Variants in CHIC1 observed in about 807,000 individuals in gnomAD.
CHIC1 encodes cysteine rich hydrophobic domain 1, also known as cysteine-rich hydrophobic domain-containing protein 1.
In CHIC1, 7 loss-of-function variants were observed where a neutral mutation model predicts 18.5. The ratio of observed to expected loss-of-function variants is 0.38; its 90% CI spans 0.22 to 0.71. CHIC1 has a LOEUF of 0.71. Among genes scored for constraint, CHIC1 ranks in the 30% least tolerant of loss-of-function variants. CHIC1 has a pLI of 0.49. For synonymous variants in CHIC1, 77 were observed against 73.5 expected (o/e 1.05, Z -0.25); for missense variants, 159 against 176.9 (o/e 0.90, Z 0.57).
chrX:73,613,039 T>TA (rs1441296426), intron 3 of CHIC1, among the ~76,000 whole-genome samples: 1 of 112,139 alleles, frequency 8.9e-6, no homozygotes, highest in Non-Finnish European at 1.9e-5. Flanking sequence ...ATCCTTAGGC[T>TA]AAACTGATCA....
chrX:73,639,509 T>G (rs1315162181), intron 3 of CHIC1, among the ~76,000 whole-genome samples: 1 of 112,228 alleles, frequency 8.9e-6, no homozygotes, highest in African/African-American at 3.2e-5. Context: ...GCAGAAGCAC[T>G]TTAGTTTAAT....
At chrX:73,632,708 C>T (rs1051672769) in intron 3 of CHIC1, among the ~76,000 whole-genome samples, 1 of 97,530 alleles carries the variant, frequency 1.0e-5, no homozygotes, top group Non-Finnish European at 2.1e-5. Flanking sequence ...AATACTTTGT[C>T]TTTTAACTTT....
chrX:73,655,507 CATATATACACAATATTGTGT>C (rs2057941959), intron 3 of CHIC1, among the ~76,000 whole-genome samples: 2 of 66,128 alleles, frequency 3.0e-5, no homozygotes, highest in East Asian at 9.0e-4. Context: ...TATATATATA[CATATATACACAATATTGTGT>C]ATATATATAT....
At chrX:73,653,080 G>A (rs1454043239) in intron 3 of CHIC1, among the ~76,000 whole-genome samples, 1 of 111,633 alleles carries the variant, frequency 9.0e-6, no homozygotes, top group African/African-American at 3.3e-5. Context: ...GCAGGGACAT[G>A]GATAAAGCTG....
At chrX:73,615,735 T>A (rs1406726050) in intron 3 of CHIC1, among the ~76,000 whole-genome samples, 8 of 110,947 alleles carry the variant, frequency 7.2e-5, no homozygotes, top group Non-Finnish European at 1.5e-4. Context: ...AAGTGCTTGG[T>A]TTGGTACACA....
intron 3 of CHIC1, among the ~76,000 whole-genome samples, chrX:73,669,274 C>A (rs908100846): frequency 8.9e-6 from 1 of 112,121 alleles, no homozygotes; most frequent in African/African-American, 3.2e-5. Flanking sequence ...CTAATAGGTT[C>A]CAGCAGGCAT....
At chrX:73,668,012 T>G (rs1315367687) in intron 3 of CHIC1, among the ~76,000 whole-genome samples, 1 of 111,903 alleles carries the variant, frequency 8.9e-6, no homozygotes, top group African/African-American at 3.2e-5. Context: ...AGTCATAGAT[T>G]TGGTCGCTTT....
chrX:73,596,809 A>G (rs1447043602), intron 3 of CHIC1, among the ~76,000 whole-genome samples: 1 of 111,771 alleles, frequency 8.9e-6, no homozygotes, highest in Non-Finnish European at 1.9e-5. Flanking sequence ...TGGTGTTGAG[A>G]AAACTGGCTA....
intron 3 of CHIC1, among the ~76,000 whole-genome samples, chrX:73,640,165 G>A (rs1381289693): frequency 9.0e-6 from 1 of 111,637 alleles, no homozygotes; most frequent in Non-Finnish European, 1.9e-5. Context: ...TTGGCTGTGG[G>A]TTTGTTCTAG....
chrX:73,663,228 G>A (rs1007745996), intron 3 of CHIC1, among the ~76,000 whole-genome samples: 7 of 111,068 alleles, frequency 6.3e-5, no homozygotes, highest in African/African-American at 2.3e-4. Context: ...GACGAAAATG[G>A]GCGAATTCCA....
At chrX:73,584,702 T>C in intron 3 of CHIC1, 130 bp downstream of exon 3, 1 of 479,228 alleles carries the variant, frequency 2.1e-6, no homozygotes, top group Non-Finnish European at 3.2e-6. Context: ...ATCTTTATTT[T>C]AGAGATAAGG....
At position 73,609,719 on chromosome X, in the gene CHIC1, AT is replaced by A. The variant is rs1348526809; in HGVS notation, c.507+25151del. Reference sequence around the variant, plus strand: ...TACATATTTATGGAGTACATATAATATTTTGTAACATACATAGACTGTGGAA... The same window carrying A: ...TACATATTTATGGAGTACATATAATATTTGTAACATACATAGACTGTGGAA... On this transcript the variant is annotated intron_variant, in intron 3 of 5. Coordinates refer to ENST00000373502, the MANE Select transcript of CHIC1 (RefSeq NM_001039840.4). Among the ~76,000 whole-genome samples, 7 of 109,775 alleles carry A rather than the reference AT, an allele frequency of 6.4e-5. 1 individual carries two copies. The highest frequency in any genetic ancestry group is 2.5e-4 in the African/African-American group (7 of 28,354).
At position 73,686,543 on chromosome X, in the gene CHIC1, G is replaced by T. The variant is rs2058122706; in HGVS notation, c.*5538G>T. ...GAATCAAGGCAATAATTTCTCAAATGTTCTTTTATTTCTTTGTTTTTATCT... is the reference window on the plus strand; with the variant it reads ...GAATCAAGGCAATAATTTCTCAAATTTTCTTTTATTTCTTTGTTTTTATCT... On this transcript the variant is annotated 3_prime_UTR_variant, in exon 6 of 6. Transcript: ENST00000373502. 1 of 111,867 alleles carries T rather than the reference G, an allele frequency of 8.9e-6. No homozygotes were observed. Among genetic ancestry groups the T allele is most frequent in the Non-Finnish European group, 1.9e-5 (1 of 52,979 alleles). The allele number at this position is 111,867 out of a possible 1,213,427, so 9.2% of individuals were successfully genotyped here.
intron 3 of CHIC1, among the ~76,000 whole-genome samples, chrX:73,642,739 G>C (rs2057864371): frequency 9.1e-6 from 1 of 110,436 alleles, no homozygotes; most frequent in South Asian, 3.9e-4. Flanking sequence ...TTCTACATAT[G>C]GCTAGCCAGT....
chrX:73,651,677 G>A (rs1026198129), intron 3 of CHIC1, among the ~76,000 whole-genome samples: 3 of 111,035 alleles, frequency 2.7e-5, no homozygotes, highest in Admixed American at 9.6e-5. Flanking sequence ...AATAAGGGAT[G>A]TGAAGGACCT....
intron 3 of CHIC1, among the ~76,000 whole-genome samples, chrX:73,611,692 A>T (rs1407877068): frequency 9.3e-6 from 1 of 107,735 alleles, no homozygotes; most frequent in East Asian, 2.9e-4. Flanking sequence ...TTGTTTCCTG[A>T]CTTTTTAATG....
rs1317598095 is a variant in CHIC1, at chrX:73,686,276, G to A, written c.*5271G>A. The A allele has an allele frequency of 9.0e-6, 1 of 111,161 alleles. No individual in the cohort carries two copies. The highest frequency in any genetic ancestry group is 1.9e-5 in the Non-Finnish European group (1 of 52,819). The allele number at this position is 111,161 out of a possible 1,213,427, so 9.2% of individuals were successfully genotyped here. A position where few individuals can be genotyped will look rare whatever the true frequency, so the allele number is the denominator to read the frequency against. On this transcript the variant is annotated 3_prime_UTR_variant, in exon 6 of 6. Coordinates refer to ENST00000373502, the MANE Select transcript of CHIC1 (RefSeq NM_001039840.4). ...TTACCTAGTCTCTAAATAATGAAAT[G>A]TGTGTGTTTGTGTGTTTTGGCTATA...
chrX:73,656,798 G>A (rs761911074), intron 3 of CHIC1, among the ~76,000 whole-genome samples: 1 of 111,661 alleles, frequency 9.0e-6, no homozygotes, highest in Admixed American at 9.5e-5. Flanking sequence ...CTTTTTTTGT[G>A]TCATATGAAT....
At chrX:73,678,522 G>T (rs913609093) in intron 3 of CHIC1, among the ~76,000 whole-genome samples, 18 of 112,088 alleles carry the variant, frequency 1.6e-4, no homozygotes, top group African/African-American at 4.9e-4. Flanking sequence ...GGACGTAGGT[G>T]CTGGCAGTGT....
Sources: allele counts gnomAD v4.1 joint callset (sites outside exome capture counted in the v4.1 genomes callset), GRCh38; gene constraint gnomAD v4.1.1; transcripts MANE v1.5; gene names NCBI Gene and HGNC (gene_info 2026-07-23, HGNC 2026-07-21).